WDR59: variants seen among roughly 807,000 people sequenced by gnomAD.
The protein encoded by WDR59 is GATOR2 complex protein WDR59.
WDR59 carries 100 observed loss-of-function variants against 131.2 expected under a neutral mutation model. The observed-to-expected ratio is 0.76, with a 90% CI of 0.65 to 0.90. The LOEUF is 0.90. Ranked by LOEUF, WDR59 falls within the 40% of genes least tolerant of loss-of-function variation. The pLI is 0.00. For missense variants in WDR59, 1,203 were observed against 1,262.2 expected (o/e 0.95, Z 0.71); for synonymous variants, 601 against 466.2 (o/e 1.29, Z -3.72).
At chr16:74,905,869 T>C (rs550535535) in intron 17 of WDR59, among the ~76,000 whole-genome samples, 1 of 151,848 alleles carries the variant, frequency 6.6e-6, no homozygotes, top group African/African-American at 2.4e-5. Context: ...GCAACCAAAA[T>C]AGATAACAAC....
At chr16:74,917,798 G>C in intron 11 of WDR59, 131 bp downstream of exon 11, 1 of 715,206 alleles carries the variant, frequency 1.4e-6, no homozygotes, top group Non-Finnish European at 2.1e-6. Context: ...GATTCAGTGA[G>C]ACGCACTCTC....
At chr16:74,932,475 TG>T in intron 8 of WDR59, among the ~76,000 whole-genome samples, 2 of 151,020 alleles carry the variant, frequency 1.3e-5, no homozygotes, top group South Asian at 4.2e-4. Flanking sequence ...ACAACTATCC[TG>T]GCTCCTTATT....
At chr16:74,914,731 C>G (rs1966277469) in intron 13 of WDR59, among the ~76,000 whole-genome samples, 1 of 151,840 alleles carries the variant, frequency 6.6e-6, no homozygotes, top group Non-Finnish European at 1.5e-5. Context: ...ATAGCCGGGA[C>G]TACAGGCGCA....
chr16:74,983,955 G>A (rs940762166), intron 1 of WDR59, among the ~76,000 whole-genome samples: 8 of 152,038 alleles, frequency 5.3e-5, no homozygotes, highest in African/African-American at 1.9e-4. Context: ...ACTCAAGCCT[G>A]GGTGACAGAG....
chr16:74,904,299 T>TA (rs1965697693), intron 17 of WDR59, 199 bp from the exon 18 acceptor site: 1 of 587,280 alleles, frequency 1.7e-6, no homozygotes, highest in South Asian at 2.1e-5. Context: ...ATTACAGACA[T>TA]AAAAAATTCA....
At chr16:74,944,625 G>C (rs926798968) in intron 6 of WDR59, among the ~76,000 whole-genome samples, 3 of 151,994 alleles carry the variant, frequency 2.0e-5, no homozygotes, top group Non-Finnish European at 1.5e-5. Flanking sequence ...CAGGCTCTGG[G>C]AAGCAGGCAG....
At chr16:74,913,954 C>G (rs576619626) in intron 13 of WDR59, among the ~76,000 whole-genome samples, 1 of 152,212 alleles carries the variant, frequency 6.6e-6, no homozygotes, top group Non-Finnish European at 1.5e-5. Context: ...CGCCTGTAAT[C>G]CCAGCACTTT....
chr16:74,942,882 G>A, intron 6 of WDR59, 56 bp from the exon 7 acceptor site: 1 of 1,507,594 alleles, frequency 6.6e-7, no homozygotes, highest in Non-Finnish European at 9.2e-7. Flanking sequence ...CGGAAGCAGA[G>A]CAGAGCACAG....
rs1342130009 is a variant in WDR59, at chr16:74,873,302, T to G, written c.*907A>C. On this transcript the variant is annotated 3_prime_UTR_variant, in exon 26 of 26. Coordinates refer to ENST00000262144, the MANE Select transcript of WDR59 (RefSeq NM_030581.4). ...CTCAGGTGATCCCCTCACTTTTGCCTTCTAAAGTGTGGGATTACAGGCATG... is the reference window on the plus strand; with the variant it reads ...CTCAGGTGATCCCCTCACTTTTGCCGTCTAAAGTGTGGGATTACAGGCATG... The G allele has an allele frequency of 6.6e-6, 1 of 152,220 alleles. No individual in the cohort carries two copies. The highest frequency in any genetic ancestry group is 1.9e-4 in the East Asian group (1 of 5,196). The allele number at this position is 152,220 out of a possible 1,614,324, so 9.4% of individuals were successfully genotyped here. A position where few individuals can be genotyped will look rare whatever the true frequency, so the allele number is the denominator to read the frequency against.
intron 11 of WDR59, among the ~76,000 whole-genome samples, chr16:74,916,746 C>T (rs1396774985): frequency 6.6e-6 from 1 of 151,650 alleles, no homozygotes; most frequent in East Asian, 1.9e-4. Flanking sequence ...ACAGTCCCAG[C>T]TACTCGGGAG....
chr16:74,937,273 T>G (rs187611871), intron 8 of WDR59, among the ~76,000 whole-genome samples: 1 of 152,318 alleles, frequency 6.6e-6, no homozygotes, highest in African/African-American at 2.4e-5. Flanking sequence ...CTTGAGCATT[T>G]CCTGTAAGTT....
intron 25 of WDR59, among the ~76,000 whole-genome samples, chr16:74,883,020 CTTTTT>C (rs948092826): frequency 9.0e-6 from 1 of 111,276 alleles, no homozygotes; most frequent in Non-Finnish European, 1.8e-5. Flanking sequence ...TTGTTTTTTG[CTTTTT>C]TTTTTTTTTT....
At chr16:74,942,122 C>A (rs980109693) in intron 7 of WDR59, among the ~76,000 whole-genome samples, 4 of 152,136 alleles carry the variant, frequency 2.6e-5, no homozygotes, top group Non-Finnish European at 4.4e-5. Context: ...AGTAGACTTT[C>A]CATTACAGCC....
chr16:74,936,601 G>A (rs561136924), intron 8 of WDR59, among the ~76,000 whole-genome samples: 41 of 152,118 alleles, frequency 2.7e-4, no homozygotes, highest in Middle Eastern at 3.4e-3. Context: ...CGAGATGGGC[G>A]GATCACTTGA....
At chr16:74,963,981 CA>C (rs1292046638) in intron 2 of WDR59, among the ~76,000 whole-genome samples, 2 of 151,200 alleles carry the variant, frequency 1.3e-5, no homozygotes, top group Non-Finnish European at 2.9e-5. Flanking sequence ...TACTTGAGCC[CA>C]GCAGTTCAAG....
Position 74,984,934 on chromosome 16 carries a change from C to G in WDR59, c.54+30G>C, listed in dbSNP as rs899776494. Reference sequence around the variant, plus strand: ...GAGGGGAAGCGGGGAGGACGCATGCCCAGAGGGCTCCACTCGGCCTCTAGC... The same window carrying G: ...GAGGGGAAGCGGGGAGGACGCATGCGCAGAGGGCTCCACTCGGCCTCTAGC... On this transcript the variant is annotated intron_variant, in intron 1 of 25. Coordinates refer to ENST00000262144, the MANE Select transcript of WDR59 (RefSeq NM_030581.4). 7 of 1,599,326 alleles carry G rather than the reference C, an allele frequency of 4.4e-6. No homozygotes were observed. In the Admixed American group the frequency reaches 5.2e-5, roughly 12 times the overall value.
At chr16:74,945,778 G>A (rs917430311) in intron 6 of WDR59, among the ~76,000 whole-genome samples, 8 of 150,870 alleles carry the variant, frequency 5.3e-5, no homozygotes, top group East Asian at 3.9e-4. Flanking sequence ...ACAAGGAGAC[G>A]TTCTGAGAGA....
chr16:74,953,760 G>C (rs1398561022), intron 3 of WDR59, among the ~76,000 whole-genome samples: 1 of 151,934 alleles, frequency 6.6e-6, no homozygotes, highest in Admixed American at 6.6e-5. Flanking sequence ...CCAGCACTTT[G>C]GGAGGCCGAG....
Position 74,874,230 on chromosome 16 carries a change from G to A in WDR59, c.2904C>T (p.Cys968=), listed in dbSNP as rs775866064. Residue 968 remains cysteine, a synonymous_variant, in exon 26 of 26, where the codon TGC becomes TGT. Coordinates refer to ENST00000262144, the MANE Select transcript of WDR59 (RefSeq NM_030581.4). The part of the protein sequence containing the change: ...EVCPTGCGCH[C]LLESTF Reference sequence around the variant, plus strand: ...AGGTTCAGAAAGTGCTTTCAAGCAGGCAGTGGCACCCACACCCGGTGGGAC... The same window carrying A: ...AGGTTCAGAAAGTGCTTTCAAGCAGACAGTGGCACCCACACCCGGTGGGAC... 3 of 1,614,030 alleles carry A rather than the reference G, an allele frequency of 1.9e-6. No individual in the cohort carries two copies. The highest frequency in any genetic ancestry group is 1.7e-5 in the Admixed American group (1 of 60,024).
Sources: allele counts gnomAD v4.1 joint callset (sites outside exome capture counted in the v4.1 genomes callset), GRCh38; gene constraint gnomAD v4.1.1; transcripts MANE v1.5; gene names NCBI Gene and HGNC (gene_info 2026-07-23, HGNC 2026-07-21).